Variants in STK39 observed in about 807,000 individuals in gnomAD.
STK39 encodes the protein serine/threonine kinase 39.
Under a neutral mutation model 77.8 loss-of-function variants are expected in STK39, and 20 were observed. That is an observed-to-expected ratio of 0.26 (90% CI 0.18 to 0.37). The LOEUF (loss-of-function observed/expected upper bound fraction) is 0.37, where lower values mean the gene tolerates loss of function less well. Ranked by LOEUF, STK39 falls within the 10% of genes least tolerant of loss-of-function variation. The probability of loss-of-function intolerance (pLI) is 1.00; values close to 1 mark genes in which losing one functional copy is unlikely to be tolerated. For missense variants in STK39, 479 were observed against 656.5 expected (o/e 0.73, Z 2.95); for synonymous variants, 246 against 234.1 (o/e 1.05, Z -0.47).
chr2:168,229,732 CAA>C (rs766875200), intron 1 of STK39, among the ~76,000 whole-genome samples: 15 of 152,112 alleles, frequency 9.9e-5, no homozygotes, highest in Non-Finnish European at 1.9e-4. Context: ...GCAGGAGAAA[CAA>C]ATACATATGC....
chr2:168,020,963 T>C lies in STK39; in HGVS notation c.1377-3868A>G, dbSNP rs1022998809. Reference sequence around the variant, plus strand: ...CATTTCCTTAATAGTCTTGGTTTTATGTGCTGTATATGAGCAATGATTCAC... The same window carrying C: ...CATTTCCTTAATAGTCTTGGTTTTACGTGCTGTATATGAGCAATGATTCAC... On this transcript the variant is annotated intron_variant, in intron 14 of 17. Transcript: ENST00000355999. 4.6e-5 allele frequency among the ~76,000 whole-genome samples: 7 copies of C among 152,298 alleles called. 1 individual carries two copies. In the South Asian group the frequency reaches 6.2e-4, roughly 14 times the overall value.
At chr2:168,047,242 C>T (rs1345742717) in intron 14 of STK39, among the ~76,000 whole-genome samples, 2 of 152,174 alleles carry the variant, frequency 1.3e-5, no homozygotes, top group African/African-American at 4.8e-5. Context: ...AACAGCTAGG[C>T]TAATGTAGTC....
intron 10 of STK39, among the ~76,000 whole-genome samples, chr2:168,111,899 G>A (rs1365144708): frequency 6.6e-6 from 1 of 152,058 alleles, no homozygotes; most frequent in African/African-American, 2.4e-5. Flanking sequence ...ATCTTTATTG[G>A]AGGAAGCTTG....
chr2:168,132,245 G>GAA (rs763892477), intron 8 of STK39, among the ~76,000 whole-genome samples: 1 of 152,046 alleles, frequency 6.6e-6, no homozygotes, highest in African/African-American at 2.4e-5. Flanking sequence ...TCAGAATGAT[G>GAA]AAAAAACTCA....
intron 10 of STK39, among the ~76,000 whole-genome samples, chr2:168,116,293 T>C (rs1032123644): frequency 6.6e-6 from 1 of 152,170 alleles, no homozygotes; most frequent in Middle Eastern, 3.2e-3. Context: ...GCTGTGAAAG[T>C]TGTACAAGGG....
intron 1 of STK39, among the ~76,000 whole-genome samples, chr2:168,219,479 C>T (rs1487082360): frequency 6.6e-6 from 1 of 152,120 alleles, no homozygotes; most frequent in Non-Finnish European, 1.5e-5. Context: ...TCTGTGACTT[C>T]TTTTACTTCC....
intron 10 of STK39, among the ~76,000 whole-genome samples, chr2:168,123,389 G>C (rs1053539829): frequency 6.6e-6 from 1 of 152,144 alleles, no homozygotes; most frequent in Non-Finnish European, 1.5e-5. Context: ...AAACTGTACT[G>C]TTGCTAGGTA....
intron 10 of STK39, among the ~76,000 whole-genome samples, chr2:168,128,309 A>G (rs11894511): frequency 0.014 from 2,068 of 152,298 alleles, 20 homozygotes; most frequent in Middle Eastern, 0.037. Flanking sequence ...CCAGACTCCA[A>G]CACTCCTGGG....
chr2:168,134,415 G>A (rs1032505188), intron 8 of STK39, among the ~76,000 whole-genome samples: 3 of 151,534 alleles, frequency 2.0e-5, no homozygotes, highest in African/African-American at 7.3e-5. Flanking sequence ...ACCTCAAGCA[G>A]AGCTGCTTTC....
intron 10 of STK39, among the ~76,000 whole-genome samples, chr2:168,124,093 A>G (rs1251370697): frequency 3.3e-5 from 5 of 152,158 alleles, no homozygotes; most frequent in Non-Finnish European, 7.4e-5. Flanking sequence ...TCCACTTCAC[A>G]GCGGTTCCAT....
At chr2:168,098,942 T>C (rs543170523) in intron 10 of STK39, among the ~76,000 whole-genome samples, 33 of 152,356 alleles carry the variant, frequency 2.2e-4, no homozygotes, top group Admixed American at 2.0e-3. Flanking sequence ...CCATAGAGCA[T>C]TGCCTGGTCT....
At chr2:167,974,680 T>C (rs781297192) in intron 16 of STK39, among the ~76,000 whole-genome samples, 8 of 152,200 alleles carry the variant, frequency 5.3e-5, no homozygotes, top group Non-Finnish European at 1.0e-4. Flanking sequence ...TTTAAAGTCA[T>C]TTCCACGGTT....
At chr2:168,054,317 G>A (rs1685469488) in intron 14 of STK39, among the ~76,000 whole-genome samples, 1 of 152,224 alleles carries the variant, frequency 6.6e-6, no homozygotes, top group African/African-American at 2.4e-5. Flanking sequence ...GAGCTTTACG[G>A]TGTTAAACAA....
chr2:168,215,574 C>T (rs577503337), intron 1 of STK39, among the ~76,000 whole-genome samples: 2 of 152,248 alleles, frequency 1.3e-5, no homozygotes, highest in South Asian at 2.1e-4. Context: ...AACATGTCAC[C>T]TGCTCAAATA....
At chr2:168,066,249 C>T (rs1369199688) in intron 12 of STK39, among the ~76,000 whole-genome samples, 1 of 152,144 alleles carries the variant, frequency 6.6e-6, no homozygotes, top group Non-Finnish European at 1.5e-5. Context: ...GTATTGATGT[C>T]TGCAATTTAC....
At chr2:168,034,117 A>T (rs770457170) in intron 14 of STK39, among the ~76,000 whole-genome samples, 3 of 152,190 alleles carry the variant, frequency 2.0e-5, no homozygotes, top group Non-Finnish European at 4.4e-5. Context: ...GCTAACAATG[A>T]ACCCAACATA....
intron 5 of STK39, among the ~76,000 whole-genome samples, chr2:168,143,121 T>C (rs1275155547): frequency 2.0e-5 from 3 of 152,166 alleles, no homozygotes; most frequent in Non-Finnish European, 2.9e-5. Flanking sequence ...AGGCTACACA[T>C]AAAGTTAGCC....
At chr2:167,995,169 G>A (rs1404111441) in intron 16 of STK39, among the ~76,000 whole-genome samples, 2 of 151,672 alleles carry the variant, frequency 1.3e-5, no homozygotes, top group Non-Finnish European at 2.9e-5. Flanking sequence ...GAGTGCAGTG[G>A]TGCAATCTTG....
intron 1 of STK39, among the ~76,000 whole-genome samples, chr2:168,206,119 A>G (rs749648758): frequency 6.6e-6 from 1 of 152,156 alleles, no homozygotes; most frequent in Non-Finnish European, 1.5e-5. Context: ...AGTTACCACA[A>G]TCGCTGACAG....
Sources: allele counts gnomAD v4.1 joint callset (sites outside exome capture counted in the v4.1 genomes callset), GRCh38; gene constraint gnomAD v4.1.1; transcripts MANE v1.5; gene names NCBI Gene and HGNC (gene_info 2026-07-23, HGNC 2026-07-21).